Variants in GABRB2 observed in about 807,000 individuals in gnomAD.
The protein encoded by GABRB2 is gamma-aminobutyric acid receptor subunit beta-2.
Under a neutral mutation model 54.7 loss-of-function variants are expected in GABRB2, and 16 were observed. That is an observed-to-expected ratio of 0.29 (90% CI 0.20 to 0.44). The LOEUF is 0.44. Among genes scored for constraint, GABRB2 ranks in the 20% least tolerant of loss-of-function variants. GABRB2 has a pLI of 1.00. For synonymous variants in GABRB2, 244 were observed against 233.8 expected (o/e 1.04, Z -0.40); for missense variants, 355 against 644.0 (o/e 0.55, Z 4.86).
intron 5 of GABRB2, among the ~76,000 whole-genome samples, chr5:161,378,702 T>C (rs960513683): frequency 1.3e-5 from 2 of 151,992 alleles, no homozygotes; most frequent in African/African-American, 4.8e-5. Context: ...ACATTTAATA[T>C]ATGTAGATTA....
Position 161,315,710 on chromosome 5 carries a change from A to G in GABRB2, c.1191+10658T>C, listed in dbSNP as rs78950719. Among the ~76,000 whole-genome samples the G allele has an allele frequency of 5.4e-3, 825 of 152,254 alleles. 14 individuals carry two copies. In the East Asian group the frequency reaches 0.076, roughly 14 times the overall value. On this transcript the variant is annotated intron_variant, in intron 9 of 9. Transcript: ENST00000393959. ...TATACATATTTATGGTGTACATGTG[A>G]TATCTTGGTACATACAATGTGTAAT...
chr5:161,378,237 G>A (rs1052582276), intron 5 of GABRB2, among the ~76,000 whole-genome samples: 1 of 152,068 alleles, frequency 6.6e-6, no homozygotes, highest in African/African-American at 2.4e-5. Context: ...CTAATGGGTG[G>A]TTGTAGTGAG....
intron 5 of GABRB2, among the ~76,000 whole-genome samples, chr5:161,340,695 T>C (rs780680584): frequency 2.2e-4 from 34 of 151,974 alleles, no homozygotes; most frequent in Non-Finnish European, 4.1e-4. Context: ...GTAAAATGCT[T>C]AGAACAGCAT....
chr5:161,530,205 G>T (rs897357485), intron 3 of GABRB2, among the ~76,000 whole-genome samples: 1 of 152,096 alleles, frequency 6.6e-6, no homozygotes, highest in African/African-American at 2.4e-5. Flanking sequence ...GGGAGAACAT[G>T]AACAATTAAG....
At chr5:161,425,617 G>A (rs1045427278) in intron 4 of GABRB2, among the ~76,000 whole-genome samples, 4 of 152,088 alleles carry the variant, frequency 2.6e-5, no homozygotes, top group Non-Finnish European at 4.4e-5. Flanking sequence ...ACAAAAAGTT[G>A]TGATTCACTT....
chr5:161,295,127 A>G (rs1405936565), intron 9 of GABRB2, among the ~76,000 whole-genome samples: 2 of 152,234 alleles, frequency 1.3e-5, no homozygotes, highest in Non-Finnish European at 2.9e-5. Context: ...CATAACAGCC[A>G]GATCCACTGT....
intron 9 of GABRB2, among the ~76,000 whole-genome samples, chr5:161,310,677 G>A (rs1056990987): frequency 5.3e-5 from 8 of 150,710 alleles, no homozygotes; most frequent in East Asian, 3.9e-4. Flanking sequence ...GCGCACGCGC[G>A]CACACACACA....
intron 5 of GABRB2, among the ~76,000 whole-genome samples, chr5:161,355,496 T>C (rs1466736089): frequency 6.6e-6 from 1 of 151,716 alleles, no homozygotes; most frequent in Non-Finnish European, 1.5e-5. Context: ...TGTATATACA[T>C]ATCAAATGTC....
intron 4 of GABRB2, among the ~76,000 whole-genome samples, chr5:161,439,821 G>T (rs1035107725): frequency 1.3e-5 from 2 of 151,972 alleles, no homozygotes. Flanking sequence ...GCCTGCCATT[G>T]GTGGGGGTAG....
Position 161,291,998 on chromosome 5 carries a change from T to C in GABRB2, c.*2083A>G, listed in dbSNP as rs1757251417. 1 of 152,182 alleles carries C rather than the reference T, an allele frequency of 6.6e-6. No homozygotes were observed. The highest frequency in any genetic ancestry group is 2.1e-4 in the South Asian group (1 of 4,832). 9.4% of individuals were successfully genotyped at this position (152,182 alleles called of 1,614,324 possible). ...ACATGAGGAATCTCTACTCTGAGCC[T>C]GTGAGAAGAATCTTGGTCAGATTCT... is the stretch of plus-strand genomic sequence containing the variant. On this transcript the variant is annotated 3_prime_UTR_variant, in exon 10 of 10. Transcript: ENST00000393959.
At chr5:161,444,534 GATAAC>G (rs1306621719) in intron 4 of GABRB2, among the ~76,000 whole-genome samples, 2 of 152,100 alleles carry the variant, frequency 1.3e-5, no homozygotes, top group Non-Finnish European at 2.9e-5. Flanking sequence ...GATTGCAAAT[GATAAC>G]ATAACATAAG....
chr5:161,316,757 G>A (rs253016), intron 9 of GABRB2, among the ~76,000 whole-genome samples: 49,993 of 151,838 alleles, frequency 0.33, 9,535 homozygotes, highest in African/African-American at 0.52. Context: ...GATTACAGGT[G>A]CCTGCCATTA....
chr5:161,378,179 T>G (rs1755364154), intron 5 of GABRB2, among the ~76,000 whole-genome samples: 1 of 152,116 alleles, frequency 6.6e-6, no homozygotes, highest in African/African-American at 2.4e-5. Context: ...TTATTTAACC[T>G]TTTGGAAAAT....
intron 4 of GABRB2, among the ~76,000 whole-genome samples, chr5:161,440,803 G>A (rs533949394): frequency 3.5e-4 from 53 of 152,166 alleles, no homozygotes; most frequent in African/African-American, 1.1e-3. Flanking sequence ...AGAGGCCCCC[G>A]AAACAAATCC....
intron 4 of GABRB2, among the ~76,000 whole-genome samples, chr5:161,450,020 G>T (rs142737739): frequency 6.6e-6 from 1 of 152,042 alleles, no homozygotes; most frequent in African/African-American, 2.4e-5. Context: ...TATCCTCAAT[G>T]GATTTCAATA....
chr5:161,298,677 A>G (rs188872514), intron 9 of GABRB2, among the ~76,000 whole-genome samples: 45 of 152,338 alleles, frequency 3.0e-4, no homozygotes, highest in African/African-American at 9.6e-4. Context: ...GTCTCTTGCT[A>G]GAGCAGCATG....
intron 3 of GABRB2, among the ~76,000 whole-genome samples, chr5:161,532,374 C>G (rs1380273780): frequency 2.0e-5 from 3 of 152,036 alleles, no homozygotes; most frequent in Non-Finnish European, 2.9e-5. Context: ...TTACTTTATA[C>G]ATGATAATGT....
chr5:161,480,299 G>T (rs1758723313), intron 3 of GABRB2, among the ~76,000 whole-genome samples: 1 of 151,982 alleles, frequency 6.6e-6, no homozygotes, highest in Admixed American at 6.6e-5. Context: ...GAAATTTGGG[G>T]TTTGATTACA....
intron 5 of GABRB2, among the ~76,000 whole-genome samples, chr5:161,388,291 G>A (rs1755708668): frequency 6.6e-6 from 1 of 152,004 alleles, no homozygotes; most frequent in African/African-American, 2.4e-5. Context: ...ACTCAAAACA[G>A]CATTCATCAA....
Sources: allele counts gnomAD v4.1 joint callset (sites outside exome capture counted in the v4.1 genomes callset), GRCh38; gene constraint gnomAD v4.1.1; transcripts MANE v1.5; gene names NCBI Gene and HGNC (gene_info 2026-07-23, HGNC 2026-07-21).